The following HAT1 variants were observed in gnomAD, a reference collection of about 807,000 sequenced individuals.
The protein encoded by HAT1 is histone acetyltransferase 1.
HAT1 carries 20 observed loss-of-function variants against 56.6 expected under a neutral mutation model. The observed-to-expected ratio is 0.35, with a 90% CI of 0.25 to 0.51. HAT1 has a LOEUF of 0.51. Ranked by LOEUF, HAT1 falls within the 20% of genes least tolerant of loss-of-function variation. The probability of loss-of-function intolerance (pLI) is 0.95; values close to 1 mark genes in which losing one functional copy is unlikely to be tolerated. For missense variants in HAT1, 408 were observed against 504.3 expected (o/e 0.81, Z 1.83); for synonymous variants, 146 against 165.5 (o/e 0.88, Z 0.91).
At chr2:171,935,811 G>A (rs1168808811) in intron 2 of HAT1, among the ~76,000 whole-genome samples, 1 of 151,882 alleles carries the variant, frequency 6.6e-6, no homozygotes, top group Non-Finnish European at 1.5e-5. Context: ...GGGAGGTTGA[G>A]GTTGCAGTGA....
chr2:171,960,568 C>T (rs554530497), intron 4 of HAT1, among the ~76,000 whole-genome samples: 1 of 152,238 alleles, frequency 6.6e-6, no homozygotes, highest in Non-Finnish European at 1.5e-5. Flanking sequence ...GCTGAATGCT[C>T]TAGTTGCACC....
chr2:171,981,241 A>G (rs1001103047), intron 10 of HAT1, among the ~76,000 whole-genome samples: 1 of 152,134 alleles, frequency 6.6e-6, no homozygotes, highest in African/African-American at 2.4e-5. Flanking sequence ...AATTTATTCA[A>G]CATATAATTA....
chr2:171,958,616 C>T (rs2105330071), intron 4 of HAT1, among the ~76,000 whole-genome samples: 1 of 152,186 alleles, frequency 6.6e-6, no homozygotes, highest in South Asian at 2.1e-4. Context: ...CATGTGCTCC[C>T]AGTTTACTGC....
chr2:171,977,545 ATATATATATATATTTTT>A (rs1318542303), intron 9 of HAT1, among the ~76,000 whole-genome samples: 9 of 14,054 alleles, frequency 6.4e-4, no homozygotes, highest in Non-Finnish European at 8.8e-4. Context: ...ATATATATAT[ATATATATATATATTTTT>A]TTTTTTTTTT....
At chr2:171,961,778 T>A (rs1687579980) in intron 4 of HAT1, among the ~76,000 whole-genome samples, 1 of 152,104 alleles carries the variant, frequency 6.6e-6, no homozygotes, top group Non-Finnish European at 1.5e-5. Flanking sequence ...TTTCCATTAG[T>A]GAAAAAGTTC....
rs753764744 is a variant in HAT1 at position 171,979,460 on chromosome 2, T to A, written c.1092+97T>A. The A allele has an allele frequency of 4.4e-6, 3 of 685,184 alleles. No individual in the cohort carries two copies. The South Asian group carries it at 5.0e-5, about 11-fold the overall frequency. The allele number at this position is 685,184 out of a possible 1,614,324, so 42.4% of individuals were successfully genotyped here. On this transcript the variant is annotated intron_variant, in intron 10 of 10. Coordinates refer to ENST00000264108, the MANE Select transcript of HAT1 (RefSeq NM_003642.4). ...CAGTATATGAGAGAGTCCAAGTCAT[T>A]TTGTAAAATTAACTTTTACAAAAGT...
chr2:171,947,392 T>C (rs1354677497), intron 3 of HAT1, among the ~76,000 whole-genome samples: 1 of 151,936 alleles, frequency 6.6e-6, no homozygotes, highest in African/African-American at 2.4e-5. Context: ...TAGCTGGGAC[T>C]ACAGGCACAC....
At chr2:171,981,561 G>A (rs1688133658) in intron 10 of HAT1, among the ~76,000 whole-genome samples, 1 of 152,156 alleles carries the variant, frequency 6.6e-6, no homozygotes, top group African/African-American at 2.4e-5. Context: ...TTACTTTGCA[G>A]TGCAACTGTA....
At position 171,966,933 on chromosome 2, in the gene HAT1, A is replaced by C. The variant is rs747853870; in HGVS notation, c.807A>C (p.Thr269=). Residue 269 remains threonine, a synonymous_variant, in exon 8 of 11, where the codon ACA becomes ACC. Coordinates refer to ENST00000264108, the MANE Select transcript of HAT1 (RefSeq NM_003642.4). ...ATAGATACTACACTGAATTTCCTACAGTTCTTGATATTACAGGTATGTAAA... is the reference window on the plus strand; with the variant it reads ...ATAGATACTACACTGAATTTCCTACCGTTCTTGATATTACAGGTATGTAAA... The part of the protein sequence containing the change: ...TVHRYYTEFP[T]VLDITAEDPS... 117 of 1,469,474 alleles carry C rather than the reference A, an allele frequency of 8.0e-5. No homozygotes were observed. The highest frequency in any genetic ancestry group is 1.2e-4 in the Admixed American group (7 of 58,936). 91.0% of individuals were successfully genotyped at this position (1,469,474 alleles called of 1,614,324 possible).
intron 3 of HAT1, 89 bp from the exon 4 acceptor site, chr2:171,952,792 C>T (rs1687340307): frequency 4.4e-6 from 3 of 675,054 alleles, no homozygotes; most frequent in South Asian, 3.2e-5. Context: ...TTGAAACTAC[C>T]CATGAAGTTA....
intron 9 of HAT1, among the ~76,000 whole-genome samples, chr2:171,978,059 C>CTT (rs35822665): frequency 0.011 from 1,526 of 137,090 alleles, 26 homozygotes; most frequent in African/African-American, 0.035. Context: ...TTTCCTTTTC[C>CTT]TTTTTTTTTT....
chr2:171,943,726 C>CATATAT (rs141557606), intron 2 of HAT1, among the ~76,000 whole-genome samples: 4,336 of 142,924 alleles, frequency 0.03, 81 homozygotes, highest in East Asian at 0.056. Flanking sequence ...TATGGACATT[C>CATATAT]ATATATATAT....
chr2:171,965,521 A>G lies in HAT1; in HGVS notation c.489+4A>G, dbSNP rs761075025. 2.0e-6 allele frequency: 3 copies of G among 1,499,292 alleles called. No homozygotes were observed. The highest frequency in any genetic ancestry group is 2.7e-6 in the Non-Finnish European group (3 of 1,095,274). The allele number at this position is 1,499,292 out of a possible 1,614,324, so 92.9% of individuals were successfully genotyped here. ...CTTTACCTTTCAGATATATAAGGTA[A>G]AGATAAATCTAAATATTTATTGAGT... On this transcript the variant is annotated splice_donor_region_variant and intron_variant, in intron 5 of 10. Coordinates refer to ENST00000264108, the MANE Select transcript of HAT1 (RefSeq NM_003642.4).
intron 4 of HAT1, among the ~76,000 whole-genome samples, chr2:171,953,751 T>C (rs888103645): frequency 2.6e-5 from 4 of 151,832 alleles, no homozygotes; most frequent in African/African-American, 9.7e-5. Flanking sequence ...TCCCAGCACT[T>C]TGGGAGGCCA....
At chr2:171,965,239 T>G in intron 4 of HAT1, 99 bp from the exon 5 acceptor site, 1 of 710,900 alleles carries the variant, frequency 1.4e-6, no homozygotes, top group Middle Eastern at 3.2e-4. Flanking sequence ...TCAACCAAAG[T>G]TTTGTAATTT....
intron 5 of HAT1, 76 bp from the exon 6 acceptor site, chr2:171,965,711 G>C: frequency 7.2e-7 from 1 of 1,395,174 alleles, no homozygotes; most frequent in South Asian, 1.3e-5. Flanking sequence ...TTTCCCACAG[G>C]ATAATTTTGT....
At chr2:171,974,503 TCA>T (rs1229942481) in intron 8 of HAT1, among the ~76,000 whole-genome samples, 1 of 152,236 alleles carries the variant, frequency 6.6e-6, no homozygotes, top group East Asian at 1.9e-4. Context: ...ACATACAGGA[TCA>T]CATTGTCTGT....
At chr2:171,927,946 A>G (rs1291195759) in intron 2 of HAT1, among the ~76,000 whole-genome samples, 2 of 151,320 alleles carry the variant, frequency 1.3e-5, no homozygotes, top group Admixed American at 6.6e-5. Context: ...GAGTGCAATG[A>G]CGCGGTCTTG....
intron 2 of HAT1, among the ~76,000 whole-genome samples, chr2:171,926,263 G>T (rs191629225): frequency 6.6e-6 from 1 of 152,038 alleles, no homozygotes; most frequent in Non-Finnish European, 1.5e-5. Flanking sequence ...GAGACCACAG[G>T]TGTGCACCAC....
Sources: gnomAD v4.1 joint callset for allele counts (sites outside exome capture counted in the v4.1 genomes callset) on GRCh38, gnomAD v4.1.1 for gene constraint, MANE v1.5 for transcripts, NCBI Gene and HGNC (gene_info 2026-07-23, HGNC 2026-07-21) for gene names.